Variants in GOLIM4 observed in about 807,000 individuals in gnomAD.
The protein encoded by GOLIM4 is golgi integral membrane protein 4, also known as 130 kDa golgi-localized phosphoprotein.
GOLIM4 carries 71 observed loss-of-function variants against 107.4 expected under a neutral mutation model. The observed-to-expected ratio is 0.66, with a 90% CI of 0.55 to 0.81. The LOEUF (loss-of-function observed/expected upper bound fraction) is 0.81. Among genes scored for constraint, GOLIM4 ranks in the 30% least tolerant of loss-of-function variants. GOLIM4 has a pLI of 0.00. For missense variants in GOLIM4, 830 were observed against 826.1 expected (o/e 1.00, Z -0.06); for synonymous variants, 327 against 294.8 (o/e 1.11, Z -1.12).
intron 2 of GOLIM4, 25 bp from the exon 3 acceptor site, chr3:168,047,024 A>G (rs768716404): frequency 9.1e-7 from 1 of 1,094,866 alleles, no homozygotes; most frequent in African/African-American, 1.7e-5. Flanking sequence ...ATGGAAAAAA[A>G]CAGTGATAAT....
Position 168,095,223 on chromosome 3 carries a change from G to C in GOLIM4, c.63C>G (p.Thr21=). The C allele has an allele frequency of 6.2e-7, 1 of 1,613,622 alleles. No individual in the cohort carries two copies. The highest frequency in any genetic ancestry group is 8.5e-7 in the Non-Finnish European group (1 of 1,179,974). Residue 21 remains threonine (T), a synonymous_variant, in exon 1 of 16, where the codon ACC becomes ACG. Transcript: ENST00000470487. ...CGCCGTAGAGAAAGCCGAACACGACGGTCAGCAGCAGCAGCGTCTGGAAAA... is the reference window on the plus strand; with the variant it reads ...CGCCGTAGAGAAAGCCGAACACGACCGTCAGCAGCAGCAGCGTCTGGAAAA... ...KRIFQTLLLL[T]VVFGFLYGAM...
chr3:168,050,822 T>TATG (rs1553800114), intron 1 of GOLIM4, among the ~76,000 whole-genome samples: 1 of 136,320 alleles, frequency 7.3e-6, no homozygotes, highest in Non-Finnish European at 1.5e-5. Context: ...TAGCAACACC[T>TATG]ATAATAATAA....
intron 12 of GOLIM4, among the ~76,000 whole-genome samples, chr3:168,025,815 C>T (rs1717963415): frequency 6.6e-6 from 1 of 152,322 alleles, no homozygotes; most frequent in East Asian, 1.9e-4. Flanking sequence ...CTGTGCTCAA[C>T]AAAGGCCCTT....
chr3:168,051,799 G>C (rs1042354321), intron 1 of GOLIM4, among the ~76,000 whole-genome samples: 2 of 152,200 alleles, frequency 1.3e-5, no homozygotes, highest in African/African-American at 4.8e-5. Context: ...CACCGAGGAG[G>C]AGGAGGGTGA....
At chr3:168,045,076 C>T (rs1204409555) in intron 3 of GOLIM4, among the ~76,000 whole-genome samples, 195 bp from the exon 4 acceptor site, 2 of 152,122 alleles carry the variant, frequency 1.3e-5, no homozygotes, top group African/African-American at 4.8e-5. Flanking sequence ...CCTTAGTTTG[C>T]TAGATTTTAG....
At chr3:168,039,850 T>TA (rs1000857638) in intron 7 of GOLIM4, among the ~76,000 whole-genome samples, 8 of 152,122 alleles carry the variant, frequency 5.3e-5, no homozygotes, top group Non-Finnish European at 2.9e-5. Context: ...TATACACATG[T>TA]AAAAAATCAC....
chr3:168,046,107 A>G (rs984419557), intron 3 of GOLIM4, among the ~76,000 whole-genome samples: 1 of 152,172 alleles, frequency 6.6e-6, no homozygotes, highest in South Asian at 2.1e-4. Context: ...TCCTGGCCTC[A>G]GGCAATCCTC....
At chr3:168,016,304 C>G (rs1345825221) in intron 14 of GOLIM4, among the ~76,000 whole-genome samples, 2 of 134,956 alleles carry the variant, frequency 1.5e-5, no homozygotes, top group South Asian at 4.2e-4. Flanking sequence ...CTCATCATCA[C>G]TGGCCATCAG....
chr3:168,081,684 A>C (rs548759504), intron 1 of GOLIM4, among the ~76,000 whole-genome samples: 7 of 152,150 alleles, frequency 4.6e-5, no homozygotes, highest in Non-Finnish European at 1.0e-4. Context: ...TGGTAATAAC[A>C]CAGTATAATG....
At chr3:168,015,029 G>A (rs948816233) in intron 14 of GOLIM4, among the ~76,000 whole-genome samples, 6 of 150,724 alleles carry the variant, frequency 4.0e-5, no homozygotes, top group African/African-American at 1.2e-4. Context: ...AGTGTTGGAA[G>A]TTCTGGCCAG....
At chr3:168,094,269 G>A (rs932477525) in intron 1 of GOLIM4, among the ~76,000 whole-genome samples, 1 of 152,156 alleles carries the variant, frequency 6.6e-6, no homozygotes, top group Non-Finnish European at 1.5e-5. Context: ...TCTAAAATAG[G>A]ATAGAAACTT....
rs747882092 is a variant in GOLIM4 at position 168,029,862 on chromosome 3, G to C, written c.1351C>G (p.Gln451Glu). Residue 451 changes from glutamine (Q) to glutamate (E), a missense_variant, in exon 10 of 16, where the codon CAG (glutamine) becomes GAG (glutamate). By Grantham distance (29) the Gln-to-Glu change is conservative. Coordinates refer to ENST00000470487, the MANE Select transcript of GOLIM4 (RefSeq NM_014498.5). The part of the protein sequence containing the change: ...GHLLRQQEQQ[Q>E]QQVAREMALQ... Reference sequence around the variant, plus strand: ...GCCATCTCTCTTGCCACCTGCTGCTGCTGCTGTTCCTGCTGCCGTAGTAAG... The same window carrying C: ...GCCATCTCTCTTGCCACCTGCTGCTCCTGCTGTTCCTGCTGCCGTAGTAAG... 3.3e-5 allele frequency: 54 copies of C among 1,613,966 alleles called. No individual in the cohort carries two copies. Among genetic ancestry groups the C allele is most frequent in the Non-Finnish European group, 4.5e-5 (53 of 1,180,024 alleles).
At chr3:168,042,834 T>C (rs907282558) in intron 5 of GOLIM4, among the ~76,000 whole-genome samples, 2 of 152,208 alleles carry the variant, frequency 1.3e-5, no homozygotes, top group African/African-American at 4.8e-5. Flanking sequence ...TATCTCAATT[T>C]CACAGATAAG....
intron 1 of GOLIM4, among the ~76,000 whole-genome samples, chr3:168,080,853 C>T (rs1182810710): frequency 6.6e-6 from 1 of 152,186 alleles, no homozygotes; most frequent in Non-Finnish European, 1.5e-5. Flanking sequence ...ACTGTGTGGG[C>T]TAAACCAAAA....
At chr3:168,042,888 T>C (rs1012262146) in intron 5 of GOLIM4, among the ~76,000 whole-genome samples, 3 of 152,228 alleles carry the variant, frequency 2.0e-5, no homozygotes, top group Non-Finnish European at 2.9e-5. Context: ...CATGGTCACA[T>C]AGCTAGTGAA....
At chr3:168,064,805 G>C (rs1720457613) in intron 1 of GOLIM4, among the ~76,000 whole-genome samples, 1 of 151,966 alleles carries the variant, frequency 6.6e-6, no homozygotes, top group Non-Finnish European at 1.5e-5. Flanking sequence ...TGCATGACTG[G>C]ATGCTAAAGA....
intron 1 of GOLIM4, among the ~76,000 whole-genome samples, chr3:168,050,165 C>T (rs1268604551): frequency 6.6e-6 from 1 of 152,130 alleles, no homozygotes; most frequent in African/African-American, 2.4e-5. Context: ...CAATATAACT[C>T]TATATCTATG....
Position 168,080,250 on chromosome 3 carries a change from A to T in GOLIM4, c.187+14849T>A, listed in dbSNP as rs528919977. On this transcript the variant is annotated intron_variant, in intron 1 of 15. Transcript: ENST00000470487. ...GGTCACTGCTGTCCAACAGAAACGC[A>T]CTCTGAAATGTCTGTAACTCTTAAA... is the stretch of plus-strand genomic sequence containing the variant. 9.0e-4 allele frequency among the ~76,000 whole-genome samples: 137 copies of T among 152,264 alleles called. 1 individual carries two copies. Among genetic ancestry groups the T allele is most frequent in the African/African-American group, 3.1e-3 (130 of 41,548 alleles).
At chr3:168,064,590 A>G (rs1467247717) in intron 1 of GOLIM4, among the ~76,000 whole-genome samples, 1 of 147,738 alleles carries the variant, frequency 6.8e-6, no homozygotes, top group Non-Finnish European at 1.5e-5. Flanking sequence ...CTGTTTAACA[A>G]AATACTTGGG....
Sources: gnomAD v4.1 joint callset for allele counts (sites outside exome capture counted in the v4.1 genomes callset) on GRCh38, gnomAD v4.1.1 for gene constraint, MANE v1.5 for transcripts, NCBI Gene and HGNC (gene_info 2026-07-23, HGNC 2026-07-21) for gene names.